Variants in MSH6 observed in about 807,000 individuals in gnomAD.
MSH6 encodes mutS homolog 6.
Under a neutral mutation model 119.1 loss-of-function variants are expected in MSH6, and 85 were observed. The ratio of observed to expected loss-of-function variants is 0.71; its 90% CI spans 0.60 to 0.85. The LOEUF (loss-of-function observed/expected upper bound fraction) is 0.85, where lower values mean the gene tolerates loss of function less well. Ranked by LOEUF, MSH6 falls within the 40% of genes least tolerant of loss-of-function variation. The pLI is 0.00. For missense variants in MSH6, 2,163 were observed against 1,655.3 expected (o/e 1.31, Z -5.32); for synonymous variants, 830 against 586.9 (o/e 1.41, Z -5.99).
At chr2:47,807,968 G>T, downstream of MSH6, 2 of 698,058 alleles carry the variant, frequency 2.9e-6, no homozygotes, top group South Asian at 2.0e-5. Context: ...CTTTTTGGTA[G>T]CTTGAGCTTC....
At chr2:47,790,521 A>G (rs944203266) in intron 1 of MSH6, among the ~76,000 whole-genome samples, 6 of 152,226 alleles carry the variant, frequency 3.9e-5, no homozygotes, top group African/African-American at 1.2e-4. Context: ...TGTAATCAGT[A>G]TGCTTTATAA....
downstream of MSH6, chr2:47,807,783 A>AACTGCAAC (rs1670326372): frequency 3.9e-6 from 1 of 258,902 alleles, no homozygotes; most frequent in Non-Finnish European, 7.5e-6. Flanking sequence ...TCTATTGAAG[A>AACTGCAAC]TTACTACTGC....
rs1301826926 is a variant in MSH6, at chr2:47,788,900, CTTCTTCCTTTTTTTTTTTTTTGTT to C, written c.261-2024_261-2001del. Among the ~76,000 whole-genome samples the C allele has an allele frequency of 5.2e-3, 247 of 47,208 alleles. 4 individuals are homozygous for C. Among genetic ancestry groups the C allele is most frequent in the African/African-American group, 0.011 (137 of 12,548 alleles). 31.0% of individuals were successfully genotyped at this position (47,208 alleles called of 152,430 possible). On this transcript the variant is annotated intron_variant, in intron 1 of 9. Transcript: ENST00000234420. Reference sequence around the variant, plus strand: ...CATACTGCTATTTCTTTCTTTCTTTCTTCTTCCTTTTTTTTTTTTTTGTTTTTTTTTTTTTTTTTTTTTTTTTGT... The same window carrying C: ...CATACTGCTATTTCTTTCTTTCTTTCTTTTTTTTTTTTTTTTTTTTTTTGT...
chr2:47,806,652 GTAACTAACTAACTATAATGGAATTA>G lies in MSH6; in HGVS notation c.4001+11_4001+35del, dbSNP rs878853743. 27 of 1,607,080 alleles carry G rather than the reference GTAACTAACTAACTATAATGGAATTA, an allele frequency of 1.7e-5. No homozygotes were observed. The highest frequency in any genetic ancestry group is 6.7e-5 in the Admixed American group (4 of 59,890). ...TGAATCAGTCACTACGATTATTTCG[GTAACTAACTAACTATAATGGAATTA>G]TAACTAACTGACCTTAAGTTTCAAA... is the stretch of plus-strand genomic sequence containing the variant. On this transcript the variant is annotated splice_donor_variant and splice_donor_5th_base_variant and intron_variant, in intron 9 of 9. Transcript: ENST00000234420. LOFTEE classifies it high-confidence loss of function.
downstream of MSH6, chr2:47,809,581 A>T (rs1670470467): frequency 6.5e-7 from 1 of 1,539,426 alleles, no homozygotes. Context: ...ATTTATAGGT[A>T]TAGCAGACTC....
rs3136336 is a variant in MSH6 at position 47,801,277 on chromosome 2, A to T, written c.3172+122A>T. 7.7e-4 allele frequency: 774 copies of T among 1,007,876 alleles called. 3 individuals are homozygous for T. The African/African-American group carries it at 0.012, about 15-fold the overall frequency. The allele number at this position is 1,007,876 out of a possible 1,614,324, so 62.4% of individuals were successfully genotyped here. The stretch of plus-strand genomic sequence containing the variant: ...TACATATTTTGACATGCATATACAT[A>T]TTTGCATCCTGACTAGGCTGCCCAC... On this transcript the variant is annotated intron_variant, in intron 4 of 9. Coordinates refer to ENST00000234420, the MANE Select transcript of MSH6 (RefSeq NM_000179.3).
chr2:47,800,348 A>G lies in MSH6; in HGVS notation c.2365A>G (p.Asn789Asp), dbSNP rs2104402954. 3 of 1,614,124 alleles carry G rather than the reference A, an allele frequency of 1.9e-6. No homozygotes were observed. The highest frequency in any genetic ancestry group is 2.5e-6 in the Non-Finnish European group (3 of 1,180,010). ...CAPLCNHYAI[N>D]DRLDAIEDLM... ...CCCACTCTGTAACCATTATGCTATT[A>G]ATGATCGTCTAGATGCCATAGAAGA... The change falls in exon 4 of 10, where the codon AAT becomes GAT. Residue 789 changes from asparagine to aspartate, a missense_variant. Asn to Asp is a conservative substitution (Grantham distance 23). Transcript: ENST00000234420.
chr2:47,808,603 T>C, downstream of MSH6: 1 of 520,058 alleles, frequency 1.9e-6, no homozygotes, highest in Non-Finnish European at 3.3e-6. Context: ...GATTTTCCTG[T>C]CATCTGTGTC....
Position 47,806,771 on chromosome 2 carries a change from A to AAACTTTTTTTTTTTTTT in MSH6, c.4002-8_4002-7insAACTTTTTTTTTTTTTT, listed in dbSNP as rs1553333915. ...AAAAACTTTTTTTTTTTTTTTTTTA[A>AAACTTTTTTTTTTTTTT]TTTTAAGGGAAGTTTGCCTGGCTAG... is the stretch of plus-strand genomic sequence containing the variant. On this transcript the variant is annotated splice_region_variant and splice_polypyrimidine_tract_variant and intron_variant, in intron 9 of 9. Transcript: ENST00000234420. 7.9e-6 allele frequency: 12 copies of AAACTTTTTTTTTTTTTT among 1,514,414 alleles called. No homozygotes were observed. The highest frequency in any genetic ancestry group is 3.1e-5 in the African/African-American group (2 of 64,236). 93.8% of individuals were successfully genotyped at this position (1,514,414 alleles called of 1,614,324 possible).
At position 47,795,903 on chromosome 2, in the gene MSH6, C is replaced by CAA. The variant is rs1553411392; in HGVS notation, c.469_470dup (p.Glu158ArgfsTer17). Reference sequence around the variant, plus strand: ...ATACATTTCTTTCTAGGTTCAAAATCAAAGGAAGCCCAGAAGGGAGGTCAT... The same window carrying CAA: ...ATACATTTCTTTCTAGGTTCAAAATCAAAAAGGAAGCCCAGAAGGGAGGTCAT... On this transcript the variant is annotated frameshift_variant, in exon 3 of 10. Transcript: ENST00000234420. LOFTEE classifies it high-confidence loss of function. 1 of 1,613,754 alleles carries CAA rather than the reference C, an allele frequency of 6.2e-7. No homozygotes were observed. Among genetic ancestry groups the CAA allele is most frequent in the Non-Finnish European group, 8.5e-7 (1 of 1,179,844 alleles).
Position 47,800,393 on chromosome 2 carries a change from A to AT in MSH6, c.2410_2411insT (p.Lys804IlefsTer16). ...AGAAGACCTCATGGTTGTGCCTGACAAAATCTCCGAAGTTGTAGAGCTTCT... is the reference window on the plus strand; with the variant it reads ...AGAAGACCTCATGGTTGTGCCTGACATAAATCTCCGAAGTTGTAGAGCTTCT... On this transcript the variant is annotated frameshift_variant, in exon 4 of 10. Coordinates refer to ENST00000234420, the MANE Select transcript of MSH6 (RefSeq NM_000179.3). LOFTEE classifies it high-confidence loss of function. The AT allele has an allele frequency of 6.2e-7, 1 of 1,614,118 alleles. No individual in the cohort carries two copies. The highest frequency in any genetic ancestry group is 8.5e-7 in the Non-Finnish European group (1 of 1,180,026).
intron 1 of MSH6, chr2:47,785,046 A>T (rs1056273382): frequency 6.6e-6 from 1 of 150,722 alleles, no homozygotes; most frequent in Non-Finnish European, 1.5e-5. Flanking sequence ...CTGGTATCGA[A>T]CTCCTGACCT....
At chr2:47,787,285 G>T (rs1011574124) in intron 1 of MSH6, among the ~76,000 whole-genome samples, 1 of 131,156 alleles carries the variant, frequency 7.6e-6, no homozygotes, top group African/African-American at 2.5e-5. Flanking sequence ...GTCAGACCCT[G>T]TCTGCCAAAA....
downstream of MSH6, chr2:47,807,071 C>A: frequency 1.8e-6 from 1 of 557,670 alleles, no homozygotes; most frequent in Non-Finnish European, 3.2e-6. Context: ...TACATGCATA[C>A]ACTTTCAGGC....
In MSH6 at chr2:47,799,323, T is replaced by C; in HGVS notation, c.1340T>C (p.Leu447Pro). 1 of 1,613,932 alleles carries C rather than the reference T, an allele frequency of 6.2e-7. No individual in the cohort carries two copies. Among genetic ancestry groups the C allele is most frequent in the Non-Finnish European group, 8.5e-7 (1 of 1,180,012 alleles). ...GATGCTCTTATTGGAGTCAGTGAAC[T>C]GGGGCTGGTATTCATGAAAGGCAAC... ...HMDALIGVSE[L>P]GLVFMKGNWA... The change falls in exon 4 of 10, where the codon CTG becomes CCG. Residue 447 changes from leucine to proline, a missense_variant. Leu to Pro is a moderately conservative substitution (Grantham distance 98). Coordinates refer to ENST00000234420, the MANE Select transcript of MSH6 (RefSeq NM_000179.3).
At chr2:47,791,945 C>G (rs1483713143) in intron 2 of MSH6, among the ~76,000 whole-genome samples, 2 of 152,126 alleles carry the variant, frequency 1.3e-5, no homozygotes, top group African/African-American at 2.4e-5. Flanking sequence ...CTCCCGGGTT[C>G]AGGTGATTCT....
At chr2:47,790,870 C>T in intron 1 of MSH6, 57 bp from the exon 2 acceptor site, 1 of 1,502,812 alleles carries the variant, frequency 6.7e-7, no homozygotes, top group Non-Finnish European at 9.3e-7. Context: ...TAGGTAACTG[C>T]CTTTAAGGAA....
downstream of MSH6, chr2:47,809,268 T>A: frequency 6.5e-7 from 1 of 1,528,012 alleles, no homozygotes; most frequent in Non-Finnish European, 9.0e-7. Context: ...TTTTGTTATC[T>A]GTAATAAAAG....
At chr2:47,792,267 A>T (rs1477337314) in intron 2 of MSH6, among the ~76,000 whole-genome samples, 1 of 152,072 alleles carries the variant, frequency 6.6e-6, no homozygotes, top group Non-Finnish European at 1.5e-5. Context: ...CCAGTCTAGT[A>T]CGTTGTCGTA....
Sources: gnomAD v4.1 joint callset for allele counts (sites outside exome capture counted in the v4.1 genomes callset) on GRCh38, gnomAD v4.1.1 for gene constraint, MANE v1.5 for transcripts, NCBI Gene and HGNC (gene_info 2026-07-23, HGNC 2026-07-21) for gene names.